Variants in GPATCH2 observed in about 807,000 individuals in gnomAD.
The protein encoded by GPATCH2 is G-patch domain containing 2, also known as G patch domain-containing protein 2.
GPATCH2 carries 51 observed loss-of-function variants against 58.0 expected under a neutral mutation model. The observed-to-expected ratio is 0.88, with a 90% CI of 0.70 to 1.11. The LOEUF (loss-of-function observed/expected upper bound fraction) is 1.11. Ranked by LOEUF, GPATCH2 falls within the 50% of genes most tolerant of loss-of-function variation. GPATCH2 has a pLI of 0.00. For synonymous variants in GPATCH2, 222 were observed against 218.5 expected, an observed-to-expected ratio of 1.02 and a Z score of -0.14; for missense variants, 625 against 652.2, an observed-to-expected ratio of 0.96 and a Z score of 0.45.
At chr1:217,613,616 T>C (rs957915281) in intron 3 of GPATCH2, among the ~76,000 whole-genome samples, 2 of 152,124 alleles carry the variant, frequency 1.3e-5, no homozygotes, top group Non-Finnish European at 2.9e-5. Flanking sequence ...AGACTGAAGC[T>C]TCTGGAAGTT....
At chr1:217,595,425 T>C (rs984771072) in intron 5 of GPATCH2, among the ~76,000 whole-genome samples, 3 of 152,150 alleles carry the variant, frequency 2.0e-5, no homozygotes, top group Non-Finnish European at 2.9e-5. Context: ...GCTGAAAATA[T>C]GGAAAAAGCG....
chr1:217,551,973 A>C (rs1389621396), intron 5 of GPATCH2, among the ~76,000 whole-genome samples: 1 of 152,148 alleles, frequency 6.6e-6, no homozygotes, highest in Non-Finnish European at 1.5e-5. Context: ...CAGGCTAAGA[A>C]CTTTATTAAG....
rs922744621 is a variant in GPATCH2 at position 217,431,105 on chromosome 1, T to C, written c.*40A>G. ...GTTATCATTTTAGAACAATGGGACATAGTGAATAAAGTCTGTAAAACATTT... is the reference window on the plus strand; with the variant it reads ...GTTATCATTTTAGAACAATGGGACACAGTGAATAAAGTCTGTAAAACATTT... On this transcript the variant is annotated 3_prime_UTR_variant, in exon 10 of 10. Transcript: ENST00000366935. 2 of 960,280 alleles carry C rather than the reference T, an allele frequency of 2.1e-6. No individual in the cohort carries two copies. Among genetic ancestry groups the C allele is most frequent in the Non-Finnish European group, 1.7e-6 (1 of 582,850 alleles). The allele number at this position is 960,280 out of a possible 1,614,324, so 59.5% of individuals were successfully genotyped here.
chr1:217,568,116 CA>C (rs112464268), intron 5 of GPATCH2, among the ~76,000 whole-genome samples: 2,174 of 151,996 alleles, frequency 0.014, 50 homozygotes, highest in East Asian at 0.1. Context: ...GACTCCGTCT[CA>C]AAAAACAAAA....
intron 5 of GPATCH2, among the ~76,000 whole-genome samples, chr1:217,537,595 T>C (rs1366380764): frequency 2.0e-5 from 3 of 152,102 alleles, no homozygotes; most frequent in Non-Finnish European, 2.9e-5. Context: ...GAAAGAATCA[T>C]TACCACAACA....
intron 5 of GPATCH2, among the ~76,000 whole-genome samples, chr1:217,525,881 AC>A (rs1452863989): frequency 6.6e-6 from 1 of 152,170 alleles, no homozygotes; most frequent in African/African-American, 2.4e-5. Context: ...GACTAGGAAA[AC>A]TTTTAAGTGC....
Position 217,428,680 on chromosome 1 carries a change from T to C in GPATCH2, c.*2465A>G, listed in dbSNP as rs1003818550. On this transcript the variant is annotated 3_prime_UTR_variant, in exon 10 of 10. Coordinates refer to ENST00000366935, the MANE Select transcript of GPATCH2 (RefSeq NM_018040.5). Reference sequence around the variant, plus strand: ...TTAAACACTTCAACAGAGTAAGAAGTATTTTAAGTCCTCTGTGAATCACAT... The same window carrying C: ...TTAAACACTTCAACAGAGTAAGAAGCATTTTAAGTCCTCTGTGAATCACAT... The C allele has an allele frequency of 6.6e-5, 10 of 152,192 alleles. No homozygotes were observed. Among genetic ancestry groups the C allele is most frequent in the African/African-American group, 2.4e-4 (10 of 41,456 alleles). 9.4% of individuals were successfully genotyped at this position (152,192 alleles called of 1,614,324 possible). A position where few individuals can be genotyped will look rare whatever the true frequency, so the allele number is the denominator to read the frequency against.
At chr1:217,487,618 G>A (rs1347216117) in intron 8 of GPATCH2, among the ~76,000 whole-genome samples, 1 of 152,000 alleles carries the variant, frequency 6.6e-6, no homozygotes, top group Non-Finnish European at 1.5e-5. Context: ...TAGAAACAGG[G>A]TTTCACCATT....
intron 4 of GPATCH2, 96 bp from the exon 5 acceptor site, chr1:217,610,496 G>A (rs528006442): frequency 9.4e-6 from 7 of 745,662 alleles, no homozygotes; most frequent in African/African-American, 7.1e-5. Context: ...AAAGTAAGTT[G>A]GTGGTGGCGG....
intron 5 of GPATCH2, among the ~76,000 whole-genome samples, chr1:217,542,942 C>A (rs1486390586): frequency 6.6e-6 from 1 of 151,938 alleles, no homozygotes; most frequent in African/African-American, 2.4e-5. Flanking sequence ...AGCTGCAGCT[C>A]ACTAAAGAGA....
intron 1 of GPATCH2, among the ~76,000 whole-genome samples, chr1:217,624,973 A>G (rs1241217707): frequency 1.3e-5 from 2 of 152,236 alleles, no homozygotes; most frequent in African/African-American, 4.8e-5. Context: ...CAACATCTAC[A>G]TAAAGTTGGA....
Position 217,630,947 on chromosome 1 carries a change from G to T in GPATCH2, c.25C>A (p.Pro9Thr), listed in dbSNP as rs1669730053. 1.3e-6 allele frequency: 2 copies of T among 1,589,474 alleles called. No homozygotes were observed. The highest frequency in any genetic ancestry group is 1.7e-6 in the Non-Finnish European group (2 of 1,173,066). Residue 9 changes from proline to threonine, a missense_variant, in exon 1 of 10, where the codon CCG (proline) becomes ACG (threonine). Physicochemically the swap from Pro to Thr is conservative, Grantham distance 38. Transcript: ENST00000366935. ...TTCCCGGCTGCTGGAGCTCCGATCGGTTGGCGCCCGGCGGCCCCGAACATT... is the reference window on the plus strand; with the variant it reads ...TTCCCGGCTGCTGGAGCTCCGATCGTTTGGCGCCCGGCGGCCCCGAACATT... MFGAAGRQ[P>T]IGAPAAGNSW...
chr1:217,569,446 G>A (rs1385696882), intron 5 of GPATCH2, among the ~76,000 whole-genome samples: 1 of 151,924 alleles, frequency 6.6e-6, no homozygotes, highest in Non-Finnish European at 1.5e-5. Context: ...TGTAATCACA[G>A]CACTTTGGGA....
At chr1:217,480,708 C>T (rs1163265610) in intron 8 of GPATCH2, among the ~76,000 whole-genome samples, 2 of 152,128 alleles carry the variant, frequency 1.3e-5, no homozygotes, top group African/African-American at 4.8e-5. Context: ...TGTTGCAGCA[C>T]AGTTCACAAC....
chr1:217,535,775 G>A (rs902264974), intron 5 of GPATCH2, among the ~76,000 whole-genome samples: 9 of 152,034 alleles, frequency 5.9e-5, no homozygotes, highest in Admixed American at 1.3e-4. Context: ...CCGGTTTTAC[G>A]AGAACAACCC....
intron 5 of GPATCH2, among the ~76,000 whole-genome samples, chr1:217,521,395 G>A (rs1663453208): frequency 7.9e-6 from 1 of 126,408 alleles, no homozygotes; most frequent in Non-Finnish European, 1.6e-5. Flanking sequence ...CAAAACAAAT[G>A]TTTTCTGTAT....
At position 217,620,290 on chromosome 1, in the gene GPATCH2, C is replaced by T. The variant is rs1669120912; in HGVS notation, c.266G>A (p.Ser89Asn). The T allele has an allele frequency of 6.2e-7, 1 of 1,614,132 alleles. No homozygotes were observed. Among genetic ancestry groups the T allele is most frequent in the South Asian group, 1.1e-5 (1 of 91,078 alleles). Residue 89 changes from serine (S) to asparagine (N), a missense_variant, in exon 2 of 10, where the codon AGT (serine) becomes AAT (asparagine). Transcript: ENST00000366935. ...HHPWETGHCL[S>N]EGSDSSLEEP... ...TTCTAAACTAGAATCAGAGCCTTCACTTAAGCAGTGACCAGTCTCCCACGG... is the reference window on the plus strand; with the variant it reads ...TTCTAAACTAGAATCAGAGCCTTCATTTAAGCAGTGACCAGTCTCCCACGG...
chr1:217,565,306 GA>G (rs972575307), intron 5 of GPATCH2, among the ~76,000 whole-genome samples: 1 of 151,760 alleles, frequency 6.6e-6, no homozygotes, highest in African/African-American at 2.4e-5. Flanking sequence ...TACATTAAGA[GA>G]AAAAAAGAAA....
chr1:217,473,189 C>G (rs535986986), intron 8 of GPATCH2, among the ~76,000 whole-genome samples: 2 of 152,134 alleles, frequency 1.3e-5, no homozygotes, highest in African/African-American at 4.8e-5. Context: ...AAGTTGGTAA[C>G]TGGTGCACAG....
Sources: allele counts gnomAD v4.1 joint callset (sites outside exome capture counted in the v4.1 genomes callset), GRCh38; gene constraint gnomAD v4.1.1; transcripts MANE v1.5; gene names NCBI Gene and HGNC (gene_info 2026-07-23, HGNC 2026-07-21).